The following APOBEC3H variants were observed in gnomAD, a reference collection of about 807,000 sequenced individuals.
APOBEC3H encodes DNA dC->dU-editing enzyme APOBEC-3H.
In APOBEC3H, 8 loss-of-function variants were observed where a neutral mutation model predicts 21.2. The ratio of observed to expected loss-of-function variants is 0.38; its 90% CI spans 0.22 to 0.68. The LOEUF (loss-of-function observed/expected upper bound fraction) is 0.68. Among genes scored for constraint, APOBEC3H ranks in the 30% least tolerant of loss-of-function variants. The probability of loss-of-function intolerance (pLI) is 0.52; values close to 1 mark genes in which losing one functional copy is unlikely to be tolerated. For synonymous variants in APOBEC3H, 88 were observed against 91.0 expected (o/e 0.97, Z 0.19); for missense variants, 229 against 228.1 (o/e 1.00, Z -0.03).
intron 1 of APOBEC3H, 95 bp from the exon 2 acceptor site, chr22:39,100,177 A>G: frequency 7.1e-7 from 1 of 1,405,934 alleles, no homozygotes; most frequent in Non-Finnish European, 9.8e-7. Flanking sequence ...TGTCTCAAAA[A>G]ACAAAAAAGA....
At chr22:39,098,415 A>T (rs1016979007) in intron 1 of APOBEC3H, among the ~76,000 whole-genome samples, 1 of 152,146 alleles carries the variant, frequency 6.6e-6, no homozygotes, top group African/African-American at 2.4e-5. Context: ...GGGGAGGATC[A>T]TCACTAAAGG....
chr22:39,102,766 G>A lies in APOBEC3H; in HGVS notation c.543+724G>A, dbSNP rs190602994. Among the ~76,000 whole-genome samples, 727 of 151,970 alleles carry A rather than the reference G, an allele frequency of 4.8e-3. 3 individuals are homozygous for A. Among genetic ancestry groups the A allele is most frequent in the African/African-American group, 0.016 (662 of 41,478 alleles). ...CCTGTAGTCCCAGCACTGGGAGGCC[G>A]AGGCAGGTGTATCAAGAGGTCAGGA... On this transcript the variant is annotated intron_variant, in intron 4 of 4. Coordinates refer to ENST00000442487, the MANE Select transcript of APOBEC3H (RefSeq NM_181773.5).
chr22:39,100,515 A>C, intron 2 of APOBEC3H, 87 bp downstream of exon 2: 1 of 1,507,572 alleles, frequency 6.6e-7, no homozygotes, highest in South Asian at 1.3e-5. Context: ...CCTGCCTATA[A>C]ATTTCTCAAT....
In APOBEC3H at chr22:39,099,661, A is replaced by G. The variant is rs115502355; in HGVS notation, c.-7-611A>G. Among the ~76,000 whole-genome samples the G allele has an allele frequency of 3.6e-3, 553 of 152,296 alleles. 4 individuals carry two copies. Among genetic ancestry groups the G allele is most frequent in the African/African-American group, 0.013 (530 of 41,570 alleles). ...ACCCAACCCAGGAAGAATAGTGACGAGGTCGGGGCATCCCCATGCAAAGAG... is the reference window on the plus strand; with the variant it reads ...ACCCAACCCAGGAAGAATAGTGACGGGGTCGGGGCATCCCCATGCAAAGAG... On this transcript the variant is annotated intron_variant, in intron 1 of 4. Coordinates refer to ENST00000442487, the MANE Select transcript of APOBEC3H (RefSeq NM_181773.5).
In APOBEC3H at chr22:39,100,277, C is replaced by T. The variant is rs772740027; in HGVS notation, c.-2C>T. 5.0e-6 allele frequency: 8 copies of T among 1,611,540 alleles called. No homozygotes were observed. The highest frequency in any genetic ancestry group is 1.7e-5 in the Admixed American group (1 of 59,964). On this transcript the variant is annotated 5_prime_UTR_variant, in exon 2 of 5. The change creates a new upstream start codon in the 5' untranslated region. Transcript: ENST00000442487. ...TTCCCCTTTCTGTTGCACAGAAACA[C>T]GATGGCTCTGTTAACAGCCGAAACA...
intron 2 of APOBEC3H, 70 bp from the exon 3 acceptor site, chr22:39,101,167 C>CCCCCCCCCCCCCCCCCCCCCA: frequency 9.5e-7 from 1 of 1,051,276 alleles, no homozygotes; most frequent in Non-Finnish European, 1.3e-6. Flanking sequence ...TCCCGGCCCC[C>CCCCCCCCCCCCCCCCCCCCCA]GCCCCCAGTC....
intron 1 of APOBEC3H, among the ~76,000 whole-genome samples, chr22:39,098,145 C>G (rs1285024567): frequency 1.3e-5 from 2 of 152,222 alleles, no homozygotes; most frequent in African/African-American, 4.8e-5. Context: ...ATGAGAATGG[C>G]CCCTGCAGGC....
At chr22:39,102,753 G>A in intron 4 of APOBEC3H, 2 of 538,382 alleles carry the variant, frequency 3.7e-6, no homozygotes. Context: ...TGTAGTCCCA[G>A]CACTGGGAGG....
chr22:39,099,796 C>T (rs558785960), intron 1 of APOBEC3H, among the ~76,000 whole-genome samples: 4 of 152,264 alleles, frequency 2.6e-5, no homozygotes, highest in East Asian at 3.9e-4. Context: ...GCCCTTCCTT[C>T]CCCTGCTCCA....
chr22:39,101,927 A>G lies in APOBEC3H; in HGVS notation c.428A>G (p.Asp143Gly). The G allele has an allele frequency of 6.2e-7, 1 of 1,613,774 alleles. No homozygotes were observed. The highest frequency in any genetic ancestry group is 8.5e-7 in the Non-Finnish European group (1 of 1,179,870). Residue 143 changes from aspartate to glycine, a missense_variant, in exon 4 of 5, where the codon GAC becomes GGC. Coordinates refer to ENST00000442487, the MANE Select transcript of APOBEC3H (RefSeq NM_181773.5). ...VEVMGFPEFADCWENFVDHEK... is the reference protein window; with the variant it reads ...VEVMGFPEFAGCWENFVDHEK... ...CCCTCTTCCCTCTCAGAGTTTGCTG[A>G]CTGCTGGGAAAACTTTGTGGACCAC...
chr22:39,099,989 A>G (rs1448512028), intron 1 of APOBEC3H, among the ~76,000 whole-genome samples: 1 of 152,218 alleles, frequency 6.6e-6, no homozygotes, highest in Admixed American at 6.5e-5. Context: ...CCTGGCCAAC[A>G]TGGTGAAACC....
chr22:39,101,088 G>A lies in APOBEC3H; in HGVS notation c.151-149G>A, dbSNP rs1014767127. 5.4e-5 allele frequency: 40 copies of A among 736,104 alleles called. No individual in the cohort carries two copies. In the South Asian group the frequency reaches 7.3e-4, roughly 13 times the overall value. 45.6% of individuals were successfully genotyped at this position (736,104 alleles called of 1,614,324 possible). On this transcript the variant is annotated intron_variant, in intron 2 of 4. Transcript: ENST00000442487. ...AAGGCAGGAAGCGGGTGCTTGCCCT[G>A]CACTAGGCCAGGCCACGCACTAGAA...
At position 39,103,827 on chromosome 22, in the gene APOBEC3H, A is replaced by G; in HGVS notation, c.*130A>G. The G allele has an allele frequency of 2.5e-6, 3 of 1,194,444 alleles. No homozygotes were observed. Among genetic ancestry groups the G allele is most frequent in the Non-Finnish European group, 3.8e-6 (3 of 798,962 alleles). The allele number at this position is 1,194,444 out of a possible 1,614,324, so 74.0% of individuals were successfully genotyped here. A position where few individuals can be genotyped will look rare whatever the true frequency, so the allele number is the denominator to read the frequency against. ...TTGCCTCATAGCCTGCTGGTCCTGT[A>G]AGCAAGCACTAAGCTCCACAGTGCC... On this transcript the variant is annotated 3_prime_UTR_variant, in exon 5 of 5. Transcript: ENST00000442487.
chr22:39,099,427 G>C (rs867010943), intron 1 of APOBEC3H, among the ~76,000 whole-genome samples: 1 of 152,206 alleles, frequency 6.6e-6, no homozygotes, highest in Non-Finnish European at 1.5e-5. Flanking sequence ...GGAAGCCCCA[G>C]TTTCCACCCC....
At chr22:39,103,148 C>T (rs1265839999) in intron 4 of APOBEC3H, among the ~76,000 whole-genome samples, 2 of 151,704 alleles carry the variant, frequency 1.3e-5, no homozygotes, top group Admixed American at 6.6e-5. Flanking sequence ...ATCAGCCAGG[C>T]ATGGTGGCAT....
At chr22:39,102,464 T>G (rs1450854480) in intron 4 of APOBEC3H, 1 of 706,954 alleles carries the variant, frequency 1.4e-6, no homozygotes. Flanking sequence ...TACCTGTTTC[T>G]TTTTTGTGTT....
At chr22:39,100,580 G>A in intron 2 of APOBEC3H, 152 bp downstream of exon 2, 1 of 1,102,288 alleles carries the variant, frequency 9.1e-7, no homozygotes, top group Admixed American at 2.8e-5. Flanking sequence ...CCTGGGTTTT[G>A]GCTTAGCTGG....
At chr22:39,098,533 G>A (rs925922583) in intron 1 of APOBEC3H, among the ~76,000 whole-genome samples, 1 of 152,132 alleles carries the variant, frequency 6.6e-6, no homozygotes, top group African/African-American at 2.4e-5. Context: ...GGAATTAATT[G>A]AACTGAAATA....
In APOBEC3H at chr22:39,102,035, G is replaced by A. The variant is rs1313782925; in HGVS notation, c.536G>A (p.Arg179Lys). ...NSRAIKRRLE[R>K]IKQS The stretch of plus-strand genomic sequence containing the variant: ...CGAGCCATAAAGCGACGGCTTGAGA[G>A]GATAAAGGTGAGGCACTGTCCTGCC... Residue 179 changes from arginine (R) to lysine (K), a missense_variant, in exon 4 of 5, where the codon AGG (arginine) becomes AAG (lysine). Physicochemically the swap from Arg to Lys is conservative, Grantham distance 26. Coordinates refer to ENST00000442487, the MANE Select transcript of APOBEC3H (RefSeq NM_181773.5). 6.2e-7 allele frequency: 1 copy of A among 1,613,616 alleles called. No homozygotes were observed. The highest frequency in any genetic ancestry group is 1.7e-5 in the Admixed American group (1 of 59,952).
Sources: gnomAD v4.1 joint callset for allele counts (sites outside exome capture counted in the v4.1 genomes callset) on GRCh38, gnomAD v4.1.1 for gene constraint, MANE v1.5 for transcripts, NCBI Gene and HGNC (gene_info 2026-07-23, HGNC 2026-07-21) for gene names.